MAGI3: variants seen among roughly 807,000 people sequenced by gnomAD.
MAGI3 encodes the protein membrane-associated guanylate kinase, WW and PDZ domain-containing protein 3.
Under a neutral mutation model 121.8 loss-of-function variants are expected in MAGI3, and 43 were observed. That is an observed-to-expected ratio of 0.35 (90% confidence interval 0.28 to 0.46). The LOEUF is 0.46. Among genes scored for constraint, MAGI3 ranks in the 20% least tolerant of loss-of-function variants. The pLI is 1.00. For synonymous variants in MAGI3, 553 were observed against 639.3 expected (o/e 0.86, Z 2.04); for missense variants, 1,547 against 1,797.3 (o/e 0.86, Z 2.52).
intron 1 of MAGI3, among the ~76,000 whole-genome samples, chr1:113,444,459 T>C (rs1241927465): frequency 1.3e-5 from 2 of 152,064 alleles, no homozygotes; most frequent in East Asian, 1.9e-4. Flanking sequence ...CAATGGCATA[T>C]GTGAGGAAAA....
chr1:113,579,383 A>G (rs1002455707), intron 2 of MAGI3, among the ~76,000 whole-genome samples: 2 of 152,230 alleles, frequency 1.3e-5, no homozygotes, highest in Non-Finnish European at 2.9e-5. Context: ...GAACATTAAA[A>G]TAATTGAAAA....
intron 1 of MAGI3, among the ~76,000 whole-genome samples, chr1:113,525,785 C>T (rs930378662): frequency 3.3e-5 from 5 of 151,980 alleles, no homozygotes; most frequent in South Asian, 2.1e-4. Context: ...AGGCAGATCA[C>T]GAGGTCAGGA....
chr1:113,446,542 T>C (rs551247644), intron 1 of MAGI3, among the ~76,000 whole-genome samples: 1 of 152,184 alleles, frequency 6.6e-6, no homozygotes, highest in East Asian at 1.9e-4. Flanking sequence ...ATAAATGCTT[T>C]AAACTTAAAT....
rs1288392405 is a variant in MAGI3 at position 113,649,184 on chromosome 1, T to C, written c.2156-53T>C. The C allele has an allele frequency of 2.8e-6, 4 of 1,407,852 alleles. No homozygotes were observed. The African/African-American group carries it at 5.8e-5, about 20-fold the overall frequency. 87.2% of individuals were successfully genotyped at this position (1,407,852 alleles called of 1,614,324 possible). On this transcript the variant is annotated intron_variant, in intron 12 of 20. Transcript: ENST00000307546. ...CTACTAAATACTGAACTTTGTTTTG[T>C]TTTAATCCTTTTAAAATAAATCATA...
At chr1:113,543,703 A>AC (rs1167859169) in intron 1 of MAGI3, among the ~76,000 whole-genome samples, 1 of 152,028 alleles carries the variant, frequency 6.6e-6, no homozygotes, top group Non-Finnish European at 1.5e-5. Context: ...CACTGTCTCT[A>AC]CCAAAAATAC....
At chr1:113,445,210 C>G (rs1356915933) in intron 1 of MAGI3, among the ~76,000 whole-genome samples, 1 of 152,142 alleles carries the variant, frequency 6.6e-6, no homozygotes, top group Non-Finnish European at 1.5e-5. Flanking sequence ...ATGCTGAAAA[C>G]TTTTCAAAGC....
At chr1:113,437,855 TTCTTCTTCC>T (rs539528811) in intron 1 of MAGI3, among the ~76,000 whole-genome samples, 1,645 of 60,184 alleles carry the variant, frequency 0.027, 87 homozygotes, top group African/African-American at 0.046. Flanking sequence ...CTTCTTCTTC[TTCTTCTTCC>T]TCTTCTTCTT....
intron 1 of MAGI3, among the ~76,000 whole-genome samples, chr1:113,475,247 T>A (rs563071769): frequency 6.6e-6 from 1 of 152,224 alleles, no homozygotes; most frequent in Non-Finnish European, 1.5e-5. Context: ...CTTGCCTGAT[T>A]GCCCCAGCCA....
At chr1:113,486,651 C>CTTT (rs767164528) in intron 1 of MAGI3, among the ~76,000 whole-genome samples, 1,388 of 123,988 alleles carry the variant, frequency 0.011, 43 homozygotes, top group East Asian at 0.044. Context: ...TCTTCAAAGT[C>CTTT]TTTTTTTTTT....
chr1:113,442,226 T>A (rs1366335011), intron 1 of MAGI3, among the ~76,000 whole-genome samples: 1 of 152,144 alleles, frequency 6.6e-6, no homozygotes, highest in African/African-American at 2.4e-5. Flanking sequence ...TTTTAGAAAC[T>A]GTTTTGAGAT....
At chr1:113,460,056 A>T (rs1265235506) in intron 1 of MAGI3, among the ~76,000 whole-genome samples, 1 of 152,210 alleles carries the variant, frequency 6.6e-6, no homozygotes, top group Non-Finnish European at 1.5e-5. Flanking sequence ...ACAGCACATA[A>T]AAAAGGTAAT....
At chr1:113,443,650 TTTTG>T (rs910083296) in intron 1 of MAGI3, among the ~76,000 whole-genome samples, 1 of 152,220 alleles carries the variant, frequency 6.6e-6, no homozygotes, top group African/African-American at 2.4e-5. Flanking sequence ...CATCCGTAGT[TTTTG>T]TTTTAGTTTG....
chr1:113,497,278 T>C (rs1656972729), intron 1 of MAGI3, among the ~76,000 whole-genome samples: 1 of 122,502 alleles, frequency 8.2e-6, no homozygotes, highest in South Asian at 2.6e-4. Context: ...AGACGGGTGA[T>C]TTCTGCATTT....
intron 10 of MAGI3, 62 bp from the exon 11 acceptor site, chr1:113,643,681 C>T: frequency 6.8e-7 from 1 of 1,462,008 alleles, no homozygotes; most frequent in Non-Finnish European, 9.6e-7. Flanking sequence ...TAAACATTAG[C>T]AGTATTTGTG....
intron 2 of MAGI3, among the ~76,000 whole-genome samples, chr1:113,579,361 T>C (rs1452373040): frequency 1.3e-5 from 2 of 152,132 alleles, no homozygotes; most frequent in African/African-American, 2.4e-5. Context: ...CTTGAAAGTA[T>C]GTGAGTGAAA....
chr1:113,630,480 C>T (rs749179192), intron 9 of MAGI3, among the ~76,000 whole-genome samples: 13 of 152,120 alleles, frequency 8.5e-5, no homozygotes, highest in Non-Finnish European at 1.3e-4. Context: ...CTAAGCTGCA[C>T]GACACAGTCA....
At chr1:113,599,691 A>G (rs1242365286) in intron 6 of MAGI3, among the ~76,000 whole-genome samples, 1 of 151,670 alleles carries the variant, frequency 6.6e-6, no homozygotes, top group South Asian at 2.1e-4. Context: ...AATCAATAGA[A>G]AAAGAGGGAA....
chr1:113,646,074 C>G (rs994912652), intron 11 of MAGI3, among the ~76,000 whole-genome samples: 24 of 152,112 alleles, frequency 1.6e-4, no homozygotes, highest in African/African-American at 5.6e-4. Context: ...AGAAATTAAA[C>G]TCAGTGAATG....
At chr1:113,455,215 A>G (rs1654687423) in intron 1 of MAGI3, among the ~76,000 whole-genome samples, 1 of 152,210 alleles carries the variant, frequency 6.6e-6, no homozygotes, top group South Asian at 2.1e-4. Flanking sequence ...ATTGGAAAAG[A>G]AAAAGAACGG....
Sources: gnomAD v4.1 joint callset for allele counts (sites outside exome capture counted in the v4.1 genomes callset) on GRCh38, gnomAD v4.1.1 for gene constraint, MANE v1.5 for transcripts, NCBI Gene and HGNC (gene_info 2026-07-23, HGNC 2026-07-21) for gene names.